The following DIP2B variants were observed in gnomAD, a reference collection of about 807,000 sequenced individuals.
DIP2B encodes the protein disco-interacting protein 2 homolog B.
Under a neutral mutation model 198.0 loss-of-function variants are expected in DIP2B, and 76 were observed. The observed-to-expected ratio is 0.38, with a 90% CI of 0.32 to 0.46. The LOEUF is 0.46. Ranked by LOEUF, DIP2B falls within the 20% of genes least tolerant of loss-of-function variation. DIP2B has a pLI of 0.99. For missense variants in DIP2B, 1,559 were observed against 1,978.4 expected (o/e 0.79, Z 4.02); for synonymous variants, 701 against 739.1 (o/e 0.95, Z 0.84).
intron 1 of DIP2B, among the ~76,000 whole-genome samples, chr12:50,573,359 G>T (rs981533562): frequency 6.6e-6 from 1 of 152,184 alleles, no homozygotes; most frequent in Non-Finnish European, 1.5e-5. Flanking sequence ...GTTTAGTAGC[G>T]CATGCTGCTC....
intron 3 of DIP2B, among the ~76,000 whole-genome samples, chr12:50,645,459 C>CT (rs11454537): frequency 0.29 from 40,572 of 138,006 alleles, 6,006 homozygotes; most frequent in East Asian, 0.44. Flanking sequence ...GTACAAAATC[C>CT]TTTTTTTTTT....
In DIP2B at chr12:50,651,020, G is replaced by T. The variant is rs7960799; in HGVS notation, c.302-9174G>T. Among the ~76,000 whole-genome samples, 845 of 152,242 alleles carry T rather than the reference G, an allele frequency of 5.6e-3. 4 individuals are homozygous for T. The highest frequency in any genetic ancestry group is 7.7e-3 in the Non-Finnish European group (525 of 68,008). ...AAAAAATCTAATGGATGTAAGTAAG[G>T]TATGGCCGTTCTAGTGGCTGTGAAG... is the stretch of plus-strand genomic sequence containing the variant. On this transcript the variant is annotated intron_variant, in intron 3 of 37. Coordinates refer to ENST00000301180, the MANE Select transcript of DIP2B (RefSeq NM_173602.3).
At chr12:50,647,966 C>T (rs1415209317) in intron 3 of DIP2B, among the ~76,000 whole-genome samples, 3 of 152,052 alleles carry the variant, frequency 2.0e-5, no homozygotes, top group Non-Finnish European at 4.4e-5. Context: ...ATTAGCCAGG[C>T]GTGGTGGCGT....
intron 30 of DIP2B, among the ~76,000 whole-genome samples, chr12:50,729,356 C>T (rs924407292): frequency 8.5e-5 from 13 of 152,162 alleles, no homozygotes; most frequent in Non-Finnish European, 2.9e-5. Context: ...TCCTTTGGCT[C>T]GGTTGTGCTA....
At chr12:50,564,887 T>C (rs138020833) in intron 1 of DIP2B, among the ~76,000 whole-genome samples, 296 of 152,330 alleles carry the variant, frequency 1.9e-3, no homozygotes, top group African/African-American at 6.9e-3. Context: ...TAAGTCAGCA[T>C]TTCCCATGAG....
intron 1 of DIP2B, among the ~76,000 whole-genome samples, chr12:50,554,915 G>A (rs528813990): frequency 2.0e-5 from 3 of 152,010 alleles, no homozygotes; most frequent in South Asian, 2.1e-4. Flanking sequence ...CTAAAGGCGC[G>A]CGCCACCACG....
At chr12:50,637,614 T>C (rs1367385057) in intron 2 of DIP2B, among the ~76,000 whole-genome samples, 2 of 152,212 alleles carry the variant, frequency 1.3e-5, no homozygotes, top group East Asian at 3.8e-4. Context: ...GTCAAAGGTA[T>C]ACATATGGTG....
chr12:50,550,748 C>G (rs760297382), intron 1 of DIP2B, among the ~76,000 whole-genome samples: 1 of 152,156 alleles, frequency 6.6e-6, no homozygotes, highest in African/African-American at 2.4e-5. Context: ...GCAGATACTG[C>G]GGACATAAAT....
chr12:50,661,793 G>A (rs1938653019), intron 4 of DIP2B, among the ~76,000 whole-genome samples: 2 of 152,230 alleles, frequency 1.3e-5, no homozygotes, highest in Admixed American at 6.5e-5. Context: ...AGGGTAGGGA[G>A]CAGCATGACA....
At chr12:50,744,450 A>G in intron 37 of DIP2B, 137 bp from the exon 38 acceptor site, 1 of 1,121,188 alleles carries the variant, frequency 8.9e-7, no homozygotes, top group Non-Finnish European at 1.3e-6. Context: ...GGTGTCATAT[A>G]TGGTAGACAT....
intron 1 of DIP2B, among the ~76,000 whole-genome samples, chr12:50,524,738 A>G (rs777295874): frequency 6.6e-6 from 1 of 152,184 alleles, no homozygotes; most frequent in African/African-American, 2.4e-5. Flanking sequence ...TGCTTGTTAG[A>G]TGGTAAAAAT....
chr12:50,706,327 T>A (rs1413623142), intron 20 of DIP2B, among the ~76,000 whole-genome samples: 1 of 152,222 alleles, frequency 6.6e-6, no homozygotes, highest in East Asian at 1.9e-4. Context: ...TTAGGTATCC[T>A]GTGAGACTTC....
At position 50,685,930 on chromosome 12, in the gene DIP2B, A is replaced by C. The variant is rs1160824768; in HGVS notation, c.1415A>C (p.Gln472Pro). The stretch of plus-strand genomic sequence containing the variant: ...TGTCTAAAAGGACTGCCAAAAACCC[A>C]GAATGGAGAAATTGTACAGTTTAAA... ...EVCLKGLPKTQNGEIVQFKGW... is the reference protein window; with the variant it reads ...EVCLKGLPKTPNGEIVQFKGW... Residue 472 changes from glutamine to proline, a missense_variant, in exon 11 of 38, where the codon CAG (glutamine) becomes CCG (proline). Gln to Pro is a moderately conservative substitution (Grantham distance 76). Coordinates refer to ENST00000301180, the MANE Select transcript of DIP2B (RefSeq NM_173602.3). 1 of 1,613,960 alleles carries C rather than the reference A, an allele frequency of 6.2e-7. No individual in the cohort carries two copies. Among genetic ancestry groups the C allele is most frequent in the Non-Finnish European group, 8.5e-7 (1 of 1,179,852 alleles).
chr12:50,630,858 A>G lies in DIP2B; in HGVS notation c.172+4811A>G, dbSNP rs146351494. On this transcript the variant is annotated intron_variant, in intron 2 of 37. Transcript: ENST00000301180. ...GGCTAATTTTGTAGTTTTAGTAGAG[A>G]CAGGATTTCTCCATGTTCATCAGGC... Among the ~76,000 whole-genome samples, 1,256 of 151,574 alleles carry G rather than the reference A, an allele frequency of 8.3e-3. 22 individuals are homozygous for G. Among genetic ancestry groups the G allele is most frequent in the Non-Finnish European group, 8.3e-3 (565 of 67,812 alleles).
chr12:50,600,924 C>CCACCAT (rs1958930115), intron 1 of DIP2B, among the ~76,000 whole-genome samples: 1 of 145,020 alleles, frequency 6.9e-6, no homozygotes, highest in Non-Finnish European at 1.5e-5. Context: ...ACCACCACCA[C>CCACCAT]CACCACCACC....
intron 1 of DIP2B, among the ~76,000 whole-genome samples, chr12:50,560,680 GGCAGAGGTTGCAGTAA>G (rs1318893329): frequency 6.6e-6 from 1 of 152,242 alleles, no homozygotes; most frequent in Admixed American, 6.5e-5. Flanking sequence ...GAAGCCGGGA[GGCAGAGGTTGCAGTAA>G]GCTGAGGTTG....
At chr12:50,715,274 G>A (rs1005292689) in intron 23 of DIP2B, among the ~76,000 whole-genome samples, 4 of 152,178 alleles carry the variant, frequency 2.6e-5, no homozygotes, top group Admixed American at 2.6e-4. Flanking sequence ...GTGCCTTGAA[G>A]TAGCAAGCAT....
chr12:50,731,336 T>G (rs889690506), intron 30 of DIP2B, 33 bp from the exon 31 acceptor site: 1 of 1,601,948 alleles, frequency 6.2e-7, no homozygotes, highest in African/African-American at 1.3e-5. Context: ...CAGGATGAAT[T>G]GATGATTCCA....
chr12:50,701,563 T>C (rs1939418028), intron 19 of DIP2B, among the ~76,000 whole-genome samples: 1 of 152,078 alleles, frequency 6.6e-6, no homozygotes, highest in Non-Finnish European at 1.5e-5. Context: ...TTTGTATTTT[T>C]AGTAGAGATG....
Sources: allele counts gnomAD v4.1 joint callset (sites outside exome capture counted in the v4.1 genomes callset), GRCh38; gene constraint gnomAD v4.1.1; transcripts MANE v1.5; gene names NCBI Gene and HGNC (gene_info 2026-07-23, HGNC 2026-07-21).